The following CPNE7 variants were observed in gnomAD, a reference collection of about 807,000 sequenced individuals.
CPNE7 encodes the protein copine-7.
In CPNE7, 78 loss-of-function variants were observed where a neutral mutation model predicts 66.5. That is an observed-to-expected ratio of 1.17 (90% CI 0.98 to 1.42). The LOEUF is 1.42. Ranked by LOEUF, CPNE7 falls within the 40% of genes most tolerant of loss-of-function variation. CPNE7 has a pLI of 0.00. For synonymous variants in CPNE7, 468 were observed against 336.7 expected (o/e 1.39, Z -4.27); for missense variants, 1,012 against 776.6 (o/e 1.30, Z -3.60).
chr16:89,590,046 C>T lies in CPNE7; in HGVS notation c.1116+95C>T. 3 of 1,376,502 alleles carry T rather than the reference C, an allele frequency of 2.2e-6. No individual in the cohort carries two copies. In the South Asian group the frequency reaches 3.6e-5, roughly 17 times the overall value. 85.3% of individuals were successfully genotyped at this position (1,376,502 alleles called of 1,614,324 possible). A position where few individuals can be genotyped will look rare whatever the true frequency, so the allele number is the denominator to read the frequency against. ...TGGCCCAGGGAGCCCTGGCTGCCTGCTGGGAACCGGAGACTGTAGGATGGG... is the reference window on the plus strand; with the variant it reads ...TGGCCCAGGGAGCCCTGGCTGCCTGTTGGGAACCGGAGACTGTAGGATGGG... On this transcript the variant is annotated intron_variant, in intron 11 of 14. Coordinates refer to ENST00000319518, the MANE Select transcript of CPNE7 (RefSeq NM_153636.3).
At chr16:89,588,435 G>C (rs1382302508) in intron 9 of CPNE7, among the ~76,000 whole-genome samples, 1 of 152,284 alleles carries the variant, frequency 6.6e-6, no homozygotes, top group East Asian at 1.9e-4. Flanking sequence ...AGGCCAGGGT[G>C]ATCCTGGTGG....
At chr16:89,581,678 T>C (rs2058961033) in intron 2 of CPNE7, among the ~76,000 whole-genome samples, 1 of 152,162 alleles carries the variant, frequency 6.6e-6, no homozygotes, top group African/African-American at 2.4e-5. Flanking sequence ...GGGTTCTCAC[T>C]CTGCCGCCCA....
chr16:89,592,658 G>A (rs1342637242), intron 13 of CPNE7, among the ~76,000 whole-genome samples: 2 of 149,414 alleles, frequency 1.3e-5, no homozygotes, highest in Non-Finnish European at 3.0e-5. Flanking sequence ...TGGCCAGGCT[G>A]GTCTTAAACT....
At chr16:89,579,244 A>G (rs2058908744) in intron 2 of CPNE7, among the ~76,000 whole-genome samples, 1 of 152,010 alleles carries the variant, frequency 6.6e-6, no homozygotes, top group Non-Finnish European at 1.5e-5. Flanking sequence ...GCGAGCCGAG[A>G]TCGCGCCACT....
intron 2 of CPNE7, 30 bp downstream of exon 2, chr16:89,577,751 G>C (rs961869672): frequency 2.1e-5 from 33 of 1,558,360 alleles, no homozygotes; most frequent in Non-Finnish European, 2.9e-5. Flanking sequence ...GGAGGGAGGA[G>C]GACGGTTGGC....
chr16:89,583,008 C>A (rs1444822558), intron 2 of CPNE7, among the ~76,000 whole-genome samples: 1 of 152,264 alleles, frequency 6.6e-6, no homozygotes, highest in African/African-American at 2.4e-5. Flanking sequence ...CTGCAGGGGC[C>A]TGGGCCTGTC....
At chr16:89,588,451 C>T (rs1390046951) in intron 9 of CPNE7, among the ~76,000 whole-genome samples, 3 of 152,126 alleles carry the variant, frequency 2.0e-5, no homozygotes, top group Admixed American at 6.5e-5. Flanking sequence ...GGTGGGGTGT[C>T]CTCCCGGAGA....
At chr16:89,583,449 A>G (rs1425398626) in intron 2 of CPNE7, 1 of 1,550,404 alleles carries the variant, frequency 6.4e-7, no homozygotes, top group Non-Finnish European at 8.7e-7. Context: ...AATAGGTATG[A>G]TGACCTCTGC....
At chr16:89,595,338 T>C in intron 13 of CPNE7, 29 bp from the exon 14 acceptor site, 1 of 1,528,024 alleles carries the variant, frequency 6.5e-7, no homozygotes, top group Non-Finnish European at 8.9e-7. Flanking sequence ...GCAGGTGTGG[T>C]GTTGCTGATG....
At chr16:89,596,341 C>G (rs1027747330) in intron 14 of CPNE7, 143 bp from the exon 15 acceptor site, 3 of 1,154,174 alleles carry the variant, frequency 2.6e-6, no homozygotes, top group Middle Eastern at 2.2e-4. Flanking sequence ...CAAGTCTTGC[C>G]CGGCACCCAG....
rs150076210 is a variant in CPNE7 at position 89,580,228 on chromosome 16, A to T, written c.357+2507A>T. On this transcript the variant is annotated intron_variant, in intron 2 of 14. Transcript: ENST00000319518. ...ACATCCCGTCACCCGCTGACACGGA[A>T]CATCTCCCCCATCACACGGAACATC... is the stretch of plus-strand genomic sequence containing the variant. Among the ~76,000 whole-genome samples, 15 of 57,398 alleles carry T rather than the reference A, an allele frequency of 2.6e-4. 7 individuals carry two copies. Among genetic ancestry groups the T allele is most frequent in the Non-Finnish European group, 6.1e-4 (13 of 21,414 alleles). The allele number at this position is 57,398 out of a possible 152,430, so 37.7% of individuals were successfully genotyped here. A position where few individuals can be genotyped will look rare whatever the true frequency, so the allele number is the denominator to read the frequency against.
At chr16:89,592,787 C>T (rs1398887455) in intron 13 of CPNE7, among the ~76,000 whole-genome samples, 7 of 148,430 alleles carry the variant, frequency 4.7e-5, no homozygotes, top group South Asian at 2.1e-4. Flanking sequence ...TAAAATTTAC[C>T]ATTGTAACCA....
Position 89,597,010 on chromosome 16 carries a change from A to T in CPNE7, c.*389A>T, listed in dbSNP as rs2059266788. The T allele has an allele frequency of 6.1e-6, 1 of 164,604 alleles. No individual in the cohort carries two copies. The allele number at this position is 164,604 out of a possible 1,614,324, so 10.2% of individuals were successfully genotyped here. ...CAAGGCAGTCCCCCCACGCCCGAGA[A>T]AGCCTGGGGGACCCAGACACCTGTC... is the stretch of plus-strand genomic sequence containing the variant. On this transcript the variant is annotated 3_prime_UTR_variant, in exon 15 of 15. Coordinates refer to ENST00000319518, the MANE Select transcript of CPNE7 (RefSeq NM_153636.3).
chr16:89,590,985 G>T, intron 11 of CPNE7, 22 bp from the exon 12 acceptor site: 1 of 1,613,478 alleles, frequency 6.2e-7, no homozygotes, highest in Non-Finnish European at 8.5e-7. Flanking sequence ...GCAGCTGACT[G>T]AGCCCTCTTG....
chr16:89,587,658 A>G (rs1403602022), intron 9 of CPNE7: 103 of 429,798 alleles, frequency 2.4e-4, no homozygotes, highest in Middle Eastern at 1.6e-3. Context: ...TGTCACCCCC[A>G]TGTCACCCGC....
intron 2 of CPNE7, 54 bp downstream of exon 2, chr16:89,577,775 C>T: frequency 2.6e-6 from 4 of 1,526,192 alleles, no homozygotes; most frequent in South Asian, 1.2e-5. Flanking sequence ...GGGGCCACAG[C>T]CGATTCAAGG....
chr16:89,587,769 CACA>C, intron 9 of CPNE7: 7 of 62,240 alleles, frequency 1.1e-4, no homozygotes, highest in Non-Finnish European at 2.9e-4. Context: ...GCGTGTCACC[CACA>C]GAAACACGGC....
At chr16:89,576,845 G>C (rs1258041814) in intron 1 of CPNE7, among the ~76,000 whole-genome samples, 1 of 152,146 alleles carries the variant, frequency 6.6e-6, no homozygotes, top group Non-Finnish European at 1.5e-5. Context: ...CATCCACCTT[G>C]AGGGTGAAGG....
rs2038023676 is a variant in CPNE7, at chr16:89,596,383, C to T, written c.1540-101C>T. 6.8e-6 allele frequency: 10 copies of T among 1,472,616 alleles called. 1 individual carries two copies. In the South Asian group the frequency reaches 9.4e-5, roughly 14 times the overall value. The allele number at this position is 1,472,616 out of a possible 1,614,324, so 91.2% of individuals were successfully genotyped here. ...CTCTGGTGGGGGTGGGTAGTCACCA[C>T]TCGGCTCTGGAGGATGAGGCCTGGG... On this transcript the variant is annotated intron_variant, in intron 14 of 14. Transcript: ENST00000319518.
Sources: allele counts gnomAD v4.1 joint callset (sites outside exome capture counted in the v4.1 genomes callset), GRCh38; gene constraint gnomAD v4.1.1; transcripts MANE v1.5; gene names NCBI Gene and HGNC (gene_info 2026-07-23, HGNC 2026-07-21).